Variants in PPM1B observed in about 807,000 individuals in gnomAD.
PPM1B encodes the protein protein phosphatase 1B.
In PPM1B, 22 loss-of-function variants were observed where a neutral mutation model predicts 43.0. That is an observed-to-expected ratio of 0.51 (90% CI 0.37 to 0.73). PPM1B has a LOEUF of 0.73. Ranked by LOEUF, PPM1B falls within the 30% of genes least tolerant of loss-of-function variation. The pLI is 0.00. For missense variants in PPM1B, 632 were observed against 584.2 expected, an observed-to-expected ratio of 1.08 and a Z score of -0.84; for synonymous variants, 217 against 197.9, an observed-to-expected ratio of 1.10 and a Z score of -0.81.
At chr2:44,194,898 C>CTTTTTT (rs796213050) in intron 1 of PPM1B, among the ~76,000 whole-genome samples, 11 of 123,258 alleles carry the variant, frequency 8.9e-5, no homozygotes, top group African/African-American at 1.2e-4. Context: ...CAGTCTTTTG[C>CTTTTTT]TTTTTTTTTT....
At chr2:44,175,329 G>A (rs913036296) in intron 1 of PPM1B, among the ~76,000 whole-genome samples, 1 of 152,016 alleles carries the variant, frequency 6.6e-6, no homozygotes, top group African/African-American at 2.4e-5. Context: ...AGGAGATTTT[G>A]TTGAGCTTTG....
chr2:44,218,067 T>TAGAA lies in PPM1B; in HGVS notation c.1065_1066insAGAA (p.Leu356ArgfsTer7). ...TCCCAAATTTGCCTCCTGGGGGAGG[T>TAGAA]CTTGCTGGCAAGTAAGTAGAACAAA... On this transcript the variant is annotated frameshift_variant, in exon 4 of 6. Coordinates refer to ENST00000282412, the MANE Select transcript of PPM1B (RefSeq NM_002706.6). LOFTEE classifies it high-confidence loss of function. 6.2e-7 allele frequency: 1 copy of TAGAA among 1,610,486 alleles called. No individual in the cohort carries two copies. Among genetic ancestry groups the TAGAA allele is most frequent in the Non-Finnish European group, 8.5e-7 (1 of 1,177,790 alleles).
At chr2:44,176,193 G>C (rs1308908098) in intron 1 of PPM1B, among the ~76,000 whole-genome samples, 4 of 152,180 alleles carry the variant, frequency 2.6e-5, no homozygotes, top group African/African-American at 9.7e-5. Flanking sequence ...TACATCCTTG[G>C]ATAGATGAGT....
downstream of PPM1B, chr2:44,232,224 T>C (rs1185960235): frequency 1.3e-6 from 2 of 1,522,508 alleles, no homozygotes; most frequent in Non-Finnish European, 1.8e-6. Context: ...AGGAAGGTAA[T>C]TTGTTCATCA....
intron 5 of PPM1B, chr2:44,229,866 C>T: frequency 1.2e-6 from 1 of 824,774 alleles, no homozygotes; most frequent in Non-Finnish European, 1.8e-6. Flanking sequence ...TTATTTTTAT[C>T]TAGAGATGTT....
intron 1 of PPM1B, among the ~76,000 whole-genome samples, chr2:44,190,514 G>C (rs555401751): frequency 6.6e-6 from 1 of 151,958 alleles, no homozygotes; most frequent in Admixed American, 6.5e-5. Context: ...TTTTTTTCCT[G>C]TATCACTTTT....
downstream of PPM1B, among the ~76,000 whole-genome samples, chr2:44,231,821 G>C (rs575351026): frequency 1.4e-4 from 21 of 152,178 alleles, no homozygotes; most frequent in African/African-American, 5.1e-4. Flanking sequence ...ACAATTATGG[G>C]CTATTTTTAA....
intron 5 of PPM1B, among the ~76,000 whole-genome samples, chr2:44,226,022 C>G (rs1670194504): frequency 6.7e-6 from 1 of 148,994 alleles, no homozygotes; most frequent in Non-Finnish European, 1.5e-5. Context: ...GTCGCCCAGG[C>G]TGGAGTGCAG....
At chr2:44,221,496 A>C (rs1486231731) in intron 5 of PPM1B, among the ~76,000 whole-genome samples, 2 of 152,174 alleles carry the variant, frequency 1.3e-5, no homozygotes, top group Non-Finnish European at 2.9e-5. Flanking sequence ...TGTCGCCGGG[A>C]GCTGGATGTT....
chr2:44,179,834 C>G (rs1217022203), intron 1 of PPM1B, among the ~76,000 whole-genome samples: 1 of 151,976 alleles, frequency 6.6e-6, no homozygotes, highest in Non-Finnish European at 1.5e-5. Flanking sequence ...CATGGTGAAA[C>G]TCCGTCTCTA....
intron 1 of PPM1B, among the ~76,000 whole-genome samples, chr2:44,181,282 T>G (rs1667862763): frequency 6.6e-6 from 1 of 152,094 alleles, no homozygotes; most frequent in African/African-American, 2.4e-5. Context: ...CCTTGAAGGA[T>G]TTGGCTAGCT....
intron 3 of PPM1B, among the ~76,000 whole-genome samples, chr2:44,210,757 C>G (rs1669424746): frequency 6.6e-6 from 1 of 152,046 alleles, no homozygotes; most frequent in Non-Finnish European, 1.5e-5. Context: ...TGAGCCAAAT[C>G]AATTGAAAGT....
downstream of PPM1B, chr2:44,233,983 C>T (rs975030551): frequency 4.1e-6 from 4 of 985,256 alleles, no homozygotes; most frequent in African/African-American, 7.0e-5. Context: ...TAGTACTTCC[C>T]AGTATGATAT....
intron 3 of PPM1B, among the ~76,000 whole-genome samples, chr2:44,209,685 G>T (rs965791582): frequency 1.3e-5 from 2 of 151,686 alleles, no homozygotes; most frequent in African/African-American, 4.8e-5. Flanking sequence ...GCTGAGGCAG[G>T]AGCATTGCTT....
chr2:44,235,173 G>C (rs1225055415), downstream of PPM1B, among the ~76,000 whole-genome samples: 2 of 152,072 alleles, frequency 1.3e-5, no homozygotes, highest in Non-Finnish European at 1.5e-5. Flanking sequence ...AAATCCACTG[G>C]GTCTGTCTTG....
downstream of PPM1B, chr2:44,232,682 A>C (rs1670502031): frequency 1.9e-6 from 2 of 1,061,048 alleles, no homozygotes; most frequent in Admixed American, 5.4e-5. Flanking sequence ...CTATACTCTG[A>C]AAATACATTA....
At chr2:44,195,392 G>A (rs540924216) in intron 1 of PPM1B, among the ~76,000 whole-genome samples, 1 of 151,698 alleles carries the variant, frequency 6.6e-6, no homozygotes, top group African/African-American at 2.4e-5. Context: ...AATTTTTTTT[G>A]GTAGAGATAG....
At chr2:44,228,748 C>G (rs1004849394) in intron 5 of PPM1B, among the ~76,000 whole-genome samples, 2 of 151,302 alleles carry the variant, frequency 1.3e-5, no homozygotes, top group Non-Finnish European at 3.0e-5. Flanking sequence ...GATTCAACAA[C>G]TGTTAACATT....
chr2:44,205,839 T>C (rs1247681569), intron 2 of PPM1B, among the ~76,000 whole-genome samples: 1 of 152,056 alleles, frequency 6.6e-6, no homozygotes, highest in African/African-American at 2.4e-5. Flanking sequence ...GAAATTATCA[T>C]TTTCCAAAGG....
Sources: gnomAD v4.1 joint callset for allele counts (sites outside exome capture counted in the v4.1 genomes callset) on GRCh38, gnomAD v4.1.1 for gene constraint, MANE v1.5 for transcripts, NCBI Gene and HGNC (gene_info 2026-07-23, HGNC 2026-07-21) for gene names.